The following EML6 variants were observed in gnomAD, a reference collection of about 807,000 sequenced individuals.
EML6 encodes the protein EMAP like 6, also known as echinoderm microtubule-associated protein-like 6.
Under a neutral mutation model 240.1 loss-of-function variants are expected in EML6, and 154 were observed. The ratio of observed to expected loss-of-function variants is 0.64; its 90% CI spans 0.56 to 0.73. The LOEUF (loss-of-function observed/expected upper bound fraction) is 0.73. EML6 is among the 30% of genes least tolerant of loss of function. The pLI, the probability that EML6 is intolerant of heterozygous loss-of-function variation, is 0.00. For missense variants in EML6, 2,964 were observed against 2,474.6 expected, an observed-to-expected ratio of 1.20 and a Z score of -4.20; for synonymous variants, 1,148 against 899.0, an observed-to-expected ratio of 1.28 and a Z score of -4.95.
At chr2:54,904,526 C>T (rs1255937119) in intron 24 of EML6, among the ~76,000 whole-genome samples, 1 of 152,102 alleles carries the variant, frequency 6.6e-6, no homozygotes, top group African/African-American at 2.4e-5. Context: ...AGGAGAAATC[C>T]ACCAGATAGC....
intron 21 of EML6, among the ~76,000 whole-genome samples, chr2:54,898,622 T>A (rs766725334): frequency 6.6e-6 from 1 of 152,250 alleles, no homozygotes; most frequent in Non-Finnish European, 1.5e-5. Context: ...TTTGCTCAAA[T>A]AGCTTCTCAG....
intron 15 of EML6, among the ~76,000 whole-genome samples, chr2:54,871,133 C>A (rs1399656721): frequency 1.3e-5 from 2 of 152,132 alleles, no homozygotes; most frequent in Non-Finnish European, 2.9e-5. Context: ...AGCGTCATGA[C>A]AATGTACAAG....
chr2:54,837,320 T>A (rs1047222255), intron 7 of EML6, among the ~76,000 whole-genome samples: 4 of 152,180 alleles, frequency 2.6e-5, no homozygotes, highest in African/African-American at 9.7e-5. Context: ...ATTGCTAGCT[T>A]GCTCTGTGAC....
intron 18 of EML6, among the ~76,000 whole-genome samples, chr2:54,892,142 C>T (rs1672503250): frequency 6.6e-6 from 1 of 152,168 alleles, no homozygotes; most frequent in Non-Finnish European, 1.5e-5. Flanking sequence ...ATGTCTTGGA[C>T]TGAGATGCAT....
At chr2:54,735,961 G>A (rs898924367) in intron 2 of EML6, among the ~76,000 whole-genome samples, 4 of 152,190 alleles carry the variant, frequency 2.6e-5, no homozygotes, top group East Asian at 1.9e-4. Flanking sequence ...GCTGAAGAGC[G>A]GTTTGGCAGG....
chr2:54,814,312 TCTC>T (rs1303403595), intron 3 of EML6, among the ~76,000 whole-genome samples: 1 of 152,152 alleles, frequency 6.6e-6, no homozygotes, highest in Non-Finnish European at 1.5e-5. Flanking sequence ...AGTGATTCAG[TCTC>T]CAAAGGTTTT....
At chr2:54,912,897 C>G (rs1673714676) in intron 25 of EML6, among the ~76,000 whole-genome samples, 1 of 152,026 alleles carries the variant, frequency 6.6e-6, no homozygotes, top group African/African-American at 2.4e-5. Flanking sequence ...TTTGGTAGAA[C>G]AATTCCTTTT....
chr2:54,724,316 G>C lies in EML6; in HGVS notation c.-513-233G>C, dbSNP rs354242. Among the ~76,000 whole-genome samples the C allele has an allele frequency of 0.32, 48,393 of 151,868 alleles. 8,613 individuals carry two copies. Among genetic ancestry groups the C allele is most frequent in the Non-Finnish European group, 0.4 (27,261 of 67,916 alleles). On this transcript the variant is annotated intron_variant, in intron 1 of 41. Coordinates refer to ENST00000356458, the MANE Select transcript of EML6 (RefSeq NM_001039753.4). The surrounding 1 kb of genome is among the most constrained non-coding windows in gnomAD (Gnocchi z 5.2). ...AAATGACCATTGCATATTCGCCCTCGCTTATTAGGGAAACAGCAAGCGTTC... is the reference window on the plus strand; with the variant it reads ...AAATGACCATTGCATATTCGCCCTCCCTTATTAGGGAAACAGCAAGCGTTC...
intron 2 of EML6, among the ~76,000 whole-genome samples, chr2:54,811,905 AAAGC>A (rs1667866350): frequency 1.3e-5 from 2 of 152,242 alleles, no homozygotes; most frequent in Admixed American, 6.5e-5. Flanking sequence ...CCTGTTGTGA[AAAGC>A]AACCCTTCTA....
At chr2:54,860,185 C>T (rs1210442692) in intron 12 of EML6, among the ~76,000 whole-genome samples, 1 of 152,204 alleles carries the variant, frequency 6.6e-6, no homozygotes, top group East Asian at 1.9e-4. Context: ...CCAACCTCTC[C>T]CTGTGGAGAG....
chr2:54,958,342 C>T (rs1464856327), intron 33 of EML6, among the ~76,000 whole-genome samples: 2 of 152,078 alleles, frequency 1.3e-5, no homozygotes, highest in Admixed American at 6.5e-5. Flanking sequence ...TAGGCACCTG[C>T]CACCACGCCT....
chr2:54,871,535 ACAAACT>A lies in EML6; in HGVS notation c.2276_2281del (p.Gln759_Thr760del). ...ATGCTGCTATTCATGTGTGGGACAC[ACAAACT>A]CTAAAATGTTTGTCGCTGTTGAAAG... On this transcript the variant is annotated inframe_deletion, in exon 16 of 42. Coordinates refer to ENST00000356458, the MANE Select transcript of EML6 (RefSeq NM_001039753.4). The A allele has an allele frequency of 6.4e-7, 1 of 1,551,838 alleles. No homozygotes were observed. Among genetic ancestry groups the A allele is most frequent in the Non-Finnish European group, 8.7e-7 (1 of 1,146,992 alleles).
In EML6 at chr2:54,837,317, G is replaced by A. The variant is rs180951323; in HGVS notation, c.848-6730G>A. On this transcript the variant is annotated intron_variant, in intron 7 of 41. Coordinates refer to ENST00000356458, the MANE Select transcript of EML6 (RefSeq NM_001039753.4). ...CTCATTTTTTTTCCCCCTATTGCTAGCTTGCTCTGTGACTTGAGGCAAGTA... is the reference window on the plus strand; with the variant it reads ...CTCATTTTTTTTCCCCCTATTGCTAACTTGCTCTGTGACTTGAGGCAAGTA... 2.1e-3 allele frequency among the ~76,000 whole-genome samples: 320 copies of A among 152,218 alleles called. 2 individuals carry two copies. The highest frequency in any genetic ancestry group is 7.1e-3 in the South Asian group (34 of 4,820).
At chr2:54,819,213 C>G (rs1049426928) in intron 4 of EML6, among the ~76,000 whole-genome samples, 1 of 152,098 alleles carries the variant, frequency 6.6e-6, no homozygotes, top group African/African-American at 2.4e-5. Flanking sequence ...TAGACTTTGT[C>G]CCTGACAAGT....
intron 2 of EML6, among the ~76,000 whole-genome samples, chr2:54,742,546 T>A (rs907716834): frequency 1.3e-5 from 2 of 152,230 alleles, no homozygotes; most frequent in Admixed American, 1.3e-4. Context: ...AATTCTGCTA[T>A]GACTTTCCAT....
chr2:54,814,180 C>G (rs2104057651), intron 3 of EML6, among the ~76,000 whole-genome samples: 1 of 152,322 alleles, frequency 6.6e-6, no homozygotes, highest in South Asian at 2.1e-4. Context: ...GTTGTGCCCT[C>G]ATAGTCGAAT....
chr2:54,759,400 T>C (rs1176935786), intron 2 of EML6, among the ~76,000 whole-genome samples: 1 of 151,886 alleles, frequency 6.6e-6, no homozygotes, highest in South Asian at 2.1e-4. Flanking sequence ...CTAGAAAGAA[T>C]AGTGGTGGTA....
intron 24 of EML6, among the ~76,000 whole-genome samples, chr2:54,908,547 T>C (rs572356849): frequency 1.3e-5 from 2 of 152,144 alleles, no homozygotes; most frequent in African/African-American, 2.4e-5. Context: ...AGTTTAGCAA[T>C]GAACTAGAAA....
intron 2 of EML6, among the ~76,000 whole-genome samples, chr2:54,807,317 A>T (rs1572930008): frequency 6.6e-6 from 1 of 152,368 alleles, no homozygotes; most frequent in South Asian, 2.1e-4. Context: ...GCTATCAGCC[A>T]ACATTTGTGT....
Sources: gnomAD v4.1 joint callset for allele counts (sites outside exome capture counted in the v4.1 genomes callset) on GRCh38, gnomAD v4.1.1 for gene constraint, Gnocchi (gnomAD v3.1) non-coding constraint, MANE v1.5 for transcripts, NCBI Gene and HGNC (gene_info 2026-07-23, HGNC 2026-07-21) for gene names.